The following CNRIP1 variants were observed in gnomAD, a reference collection of about 807,000 sequenced individuals.
The protein encoded by CNRIP1 is cannabinoid receptor interacting protein 1.
Under a neutral mutation model 15.2 loss-of-function variants are expected in CNRIP1, and 10 were observed. The ratio of observed to expected loss-of-function variants is 0.66; its 90% CI spans 0.41 to 1.12. The LOEUF (loss-of-function observed/expected upper bound fraction) is 1.12. Ranked by LOEUF, CNRIP1 falls within the 50% of genes most tolerant of loss-of-function variation. The pLI is 0.00. For synonymous variants in CNRIP1, 91 were observed against 83.2 expected (o/e 1.09, Z -0.51); for missense variants, 211 against 214.7 (o/e 0.98, Z 0.11).
chr2:68,305,091 A>G (rs1671761251), intron 2 of CNRIP1, among the ~76,000 whole-genome samples: 1 of 151,950 alleles, frequency 6.6e-6, no homozygotes, highest in South Asian at 2.1e-4. Flanking sequence ...TTAAAAATAC[A>G]AAATTAGCCG....
chr2:68,301,627 C>G (rs979019814), intron 2 of CNRIP1, among the ~76,000 whole-genome samples: 2 of 152,110 alleles, frequency 1.3e-5, no homozygotes, highest in South Asian at 4.1e-4. Context: ...TGAGGTGGCT[C>G]ATGCCTGTAA....
In CNRIP1 at chr2:68,319,384, C is replaced by A. The variant is rs1362941545; in HGVS notation, c.17G>T (p.Gly6Val). ...CAGCGCGATGGAGAGGCGCACGAGGCCCGGCAGGTCCCCCATGTCTGGGCG... is the reference window on the plus strand; with the variant it reads ...CAGCGCGATGGAGAGGCGCACGAGGACCGGCAGGTCCCCCATGTCTGGGCG... MGDLP[G>V]LVRLSIALRI... Residue 6 changes from glycine (G) to valine (V), a missense_variant, in exon 1 of 3, where the codon GGC (glycine) becomes GTC (valine). Gly to Val is a moderately radical substitution (Grantham distance 109). Coordinates refer to ENST00000263655, the MANE Select transcript of CNRIP1 (RefSeq NM_015463.3). The A allele has an allele frequency of 3.2e-6, 5 of 1,578,068 alleles. No individual in the cohort carries two copies. Among genetic ancestry groups the A allele is most frequent in the Non-Finnish European group, 3.4e-6 (4 of 1,164,198 alleles).
chr2:68,301,208 A>G (rs1671593006), intron 2 of CNRIP1, among the ~76,000 whole-genome samples: 1 of 152,212 alleles, frequency 6.6e-6, no homozygotes, highest in African/African-American at 2.4e-5. Context: ...ATATATCAAA[A>G]CCAACAGGGA....
chr2:68,295,586 T>C (rs900835732), intron 2 of CNRIP1, among the ~76,000 whole-genome samples: 2 of 152,214 alleles, frequency 1.3e-5, no homozygotes, highest in Non-Finnish European at 2.9e-5. Flanking sequence ...GACATGCTGA[T>C]TCAAGCAGCA....
chr2:68,290,709 C>A (rs1048939874), downstream of CNRIP1, among the ~76,000 whole-genome samples: 1 of 152,174 alleles, frequency 6.6e-6, no homozygotes, highest in African/African-American at 2.4e-5. Flanking sequence ...TGGGAGAAGA[C>A]CCGAGCCTTT....
chr2:68,286,599 C>A (rs1057113830), intron 2 of CNRIP1, among the ~76,000 whole-genome samples: 2 of 152,084 alleles, frequency 1.3e-5, no homozygotes. Flanking sequence ...ATATTTTTGT[C>A]AAATAATTTG....
At chr2:68,291,977 A>C (rs1009739289), downstream of CNRIP1, among the ~76,000 whole-genome samples, 2 of 151,974 alleles carry the variant, frequency 1.3e-5, no homozygotes, top group Non-Finnish European at 2.9e-5. Flanking sequence ...TGGCTTGAAA[A>C]CCTGTTTCAC....
At chr2:68,285,667 A>AG (rs1558658232) in intron 2 of CNRIP1, among the ~76,000 whole-genome samples, 14 of 143,706 alleles carry the variant, frequency 9.7e-5, no homozygotes, top group African/African-American at 1.5e-4. Context: ...AAAAAAAAAA[A>AG]AAAAAGAAAA....
intron 2 of CNRIP1, among the ~76,000 whole-genome samples, chr2:68,307,628 A>C (rs1300595230): frequency 6.6e-6 from 1 of 152,180 alleles, no homozygotes; most frequent in Non-Finnish European, 1.5e-5. Flanking sequence ...GCCTGGCCTC[A>C]TTGTTCCAAT....
chr2:68,305,940 G>A (rs1338876668), intron 2 of CNRIP1, among the ~76,000 whole-genome samples: 1 of 151,370 alleles, frequency 6.6e-6, no homozygotes, highest in East Asian at 1.9e-4. Context: ...ACCAGACTGA[G>A]CAACATAGCA....
At chr2:68,285,668 A>AAAAAAAGAAAAGAAAAGAAAAG (rs539747999) in intron 2 of CNRIP1, among the ~76,000 whole-genome samples, 4 of 124,438 alleles carry the variant, frequency 3.2e-5, no homozygotes, top group Admixed American at 9.2e-5. Context: ...AAAAAAAAAA[A>AAAAAAAGAAAAGAAAAGAAAAG]AAAAGAAAAG....
At chr2:68,291,896 AAAAG>A (rs1044490566), downstream of CNRIP1, among the ~76,000 whole-genome samples, 8 of 151,820 alleles carry the variant, frequency 5.3e-5, no homozygotes, top group East Asian at 1.9e-4. Flanking sequence ...AAAAAAAAAA[AAAAG>A]AGTGGATTAT....
In CNRIP1 at chr2:68,317,214, T is replaced by G; in HGVS notation, c.273A>C (p.Thr91=). ...DRVVYTGTYD[T]EGVTPTKSGE... is the part of the protein sequence containing the mutation. The stretch of plus-strand genomic sequence containing the variant: ...CACTCTTCGTTGGGGTCACACCTTC[T>G]GTGTCATATGTACCCGTATAAACAA... Residue 91 remains threonine (T), a synonymous_variant, in exon 2 of 3, where the codon ACA becomes ACC. Coordinates refer to ENST00000263655, the MANE Select transcript of CNRIP1 (RefSeq NM_015463.3). 6.2e-7 allele frequency: 1 copy of G among 1,614,266 alleles called. No homozygotes were observed. Among genetic ancestry groups the G allele is most frequent in the Non-Finnish European group, 8.5e-7 (1 of 1,180,044 alleles).
At chr2:68,290,736 G>A (rs187952213), downstream of CNRIP1, among the ~76,000 whole-genome samples, 2 of 152,334 alleles carry the variant, frequency 1.3e-5, no homozygotes, top group East Asian at 3.9e-4. Context: ...TGGACTTGGT[G>A]ACATCTGTGA....
Position 68,317,311 on chromosome 2 carries a change from C to A in CNRIP1, c.180-4G>T, listed in dbSNP as rs1402088833. On this transcript the variant is annotated splice_region_variant and splice_polypyrimidine_tract_variant and intron_variant, in intron 1 of 2. Transcript: ENST00000263655. Reference sequence around the variant, plus strand: ...CACACCACCAATGGAAATATTCCTGCAATAGACTTGAGTTGACCACATACG... The same window carrying A: ...CACACCACCAATGGAAATATTCCTGAAATAGACTTGAGTTGACCACATACG... 1 of 1,613,578 alleles carries A rather than the reference C, an allele frequency of 6.2e-7. No individual in the cohort carries two copies. Among genetic ancestry groups the A allele is most frequent in the Non-Finnish European group, 8.5e-7 (1 of 1,179,996 alleles).
At chr2:68,298,308 C>G (rs1440805608) in intron 2 of CNRIP1, among the ~76,000 whole-genome samples, 3 of 151,968 alleles carry the variant, frequency 2.0e-5, no homozygotes, top group Non-Finnish European at 2.9e-5. Context: ...AAAATATACA[C>G]TGAAATATAA....
At chr2:68,288,067 G>A (rs79302991), downstream of CNRIP1, among the ~76,000 whole-genome samples, 2 of 149,758 alleles carry the variant, frequency 1.3e-5, no homozygotes, top group South Asian at 2.1e-4. Context: ...GCAGCCGGCC[G>A]GCCAGCCAGC....
chr2:68,302,845 CTTTT>C (rs1214086385), intron 2 of CNRIP1, among the ~76,000 whole-genome samples: 59 of 126,262 alleles, frequency 4.7e-4, no homozygotes, highest in African/African-American at 1.2e-3. Flanking sequence ...ATTTGAAAAA[CTTTT>C]TTTTTTTTTT....
At chr2:68,299,469 CTCT>C (rs1671520584) in intron 2 of CNRIP1, among the ~76,000 whole-genome samples, 2 of 152,238 alleles carry the variant, frequency 1.3e-5, no homozygotes, top group South Asian at 4.2e-4. Context: ...GAAAGATGAT[CTCT>C]TCTTCTGCCG....
Sources: allele counts gnomAD v4.1 joint callset (sites outside exome capture counted in the v4.1 genomes callset), GRCh38; gene constraint gnomAD v4.1.1; transcripts MANE v1.5; gene names NCBI Gene and HGNC (gene_info 2026-07-23, HGNC 2026-07-21).